Variants in PIP5K1A observed in about 807,000 individuals in gnomAD.
PIP5K1A encodes the protein phosphatidylinositol-4-phosphate 5-kinase type 1 alpha, also known as phosphatidylinositol 4-phosphate 5-kinase type-1 alpha.
In PIP5K1A, 46 loss-of-function variants were observed where a neutral mutation model predicts 72.9. The observed-to-expected ratio is 0.63, with a 90% CI of 0.50 to 0.81. The LOEUF (loss-of-function observed/expected upper bound fraction) is 0.81. Among genes scored for constraint, PIP5K1A ranks in the 30% least tolerant of loss-of-function variants. The probability of loss-of-function intolerance (pLI) is 0.00; values close to 1 mark genes in which losing one functional copy is unlikely to be tolerated. For synonymous variants in PIP5K1A, 228 were observed against 255.1 expected, an observed-to-expected ratio of 0.89 and a Z score of 1.01; for missense variants, 458 against 706.1, an observed-to-expected ratio of 0.65 and a Z score of 3.98.
chr1:151,242,196 C>T lies in PIP5K1A; in HGVS notation c.1437C>T (p.Ser479=), dbSNP rs773333955. 83 of 1,614,000 alleles carry T rather than the reference C, an allele frequency of 5.1e-5. 1 individual carries two copies. The East Asian group carries it at 1.8e-3, about 36-fold the overall frequency. The change falls in exon 13 of 16, where the codon TCC becomes TCT. Residue 479 remains serine (S), a synonymous_variant. Coordinates refer to ENST00000368888, the MANE Select transcript of PIP5K1A (RefSeq NM_001135638.2). ...FSRRAGSSGN[S]CITYQPSVSG... is the part of the protein sequence containing the mutation. ...GGCGAGCAGGCTCCAGTGGCAACTC[C>T]TGCATTACTTACCAGCCATCGGTCT... is the stretch of plus-strand genomic sequence containing the variant.
intron 1 of PIP5K1A, among the ~76,000 whole-genome samples, chr1:151,216,753 T>G (rs1687688455): frequency 6.6e-6 from 1 of 152,216 alleles, no homozygotes; most frequent in Non-Finnish European, 1.5e-5. Flanking sequence ...GAGCATTTAT[T>G]ATAGATTAAG....
chr1:151,232,399 A>G (rs748043703), intron 6 of PIP5K1A, 34 bp downstream of exon 6: 11 of 1,522,600 alleles, frequency 7.2e-6, no homozygotes, highest in Non-Finnish European at 1.0e-5. Flanking sequence ...CTGTGACTCC[A>G]GTATCAGAGG....
At chr1:151,196,630 C>T (rs911885986), upstream of PIP5K1A, among the ~76,000 whole-genome samples, 1 of 147,722 alleles carries the variant, frequency 6.8e-6, no homozygotes, top group Non-Finnish European at 1.5e-5. Context: ...TCTCGGCTCA[C>T]CGAAACGTCT....
intron 1 of PIP5K1A, among the ~76,000 whole-genome samples, chr1:151,219,532 TAAAA>T (rs949698377): frequency 7.5e-6 from 1 of 133,902 alleles, no homozygotes; most frequent in African/African-American, 2.8e-5. Context: ...ACAAAAAATT[TAAAA>T]AAAAAAAATT....
Position 151,241,685 on chromosome 1 carries a change from A to G in PIP5K1A, c.1364-438A>G, listed in dbSNP as rs954052461. ...TGTAGTGGCGCATGCCTGTAATCCT[A>G]GCTACCCAGGAGGCTGAGGCATGGG... On this transcript the variant is annotated intron_variant, in intron 12 of 15. Coordinates refer to ENST00000368888, the MANE Select transcript of PIP5K1A (RefSeq NM_001135638.2). 2.0e-4 allele frequency among the ~76,000 whole-genome samples: 31 copies of G among 152,044 alleles called. No homozygotes were observed. In the South Asian group the frequency reaches 5.4e-3, roughly 26 times the overall value.
intron 8 of PIP5K1A, among the ~76,000 whole-genome samples, 185 bp downstream of exon 8, chr1:151,234,681 C>G (rs1690604280): frequency 6.6e-6 from 1 of 152,202 alleles, no homozygotes; most frequent in South Asian, 2.1e-4. Context: ...CGTTTATCCT[C>G]CCACAATGGG....
At chr1:151,215,109 T>C (rs376925001) in intron 1 of PIP5K1A, among the ~76,000 whole-genome samples, 17 of 150,630 alleles carry the variant, frequency 1.1e-4, no homozygotes, top group African/African-American at 2.9e-4. Context: ...CAGCTCACTG[T>C]ATCCTCCGCC....
chr1:151,226,245 C>T (rs1689108290), intron 3 of PIP5K1A, among the ~76,000 whole-genome samples: 2 of 151,846 alleles, frequency 1.3e-5, no homozygotes. Flanking sequence ...TACTACCACG[C>T]CTGGGTAATT....
intron 4 of PIP5K1A, among the ~76,000 whole-genome samples, chr1:151,227,656 C>G (rs1315557920): frequency 6.6e-6 from 1 of 152,108 alleles, no homozygotes; most frequent in Non-Finnish European, 1.5e-5. Context: ...TTTGGGAAGC[C>G]GAGGCAGGCA....
chr1:151,237,258 TGAAAA>T (rs1409767642), intron 9 of PIP5K1A, among the ~76,000 whole-genome samples: 1 of 152,198 alleles, frequency 6.6e-6, no homozygotes, highest in African/African-American at 2.4e-5. Flanking sequence ...TAATACAAAA[TGAAAA>T]GAAGATTAAT....
upstream of PIP5K1A, among the ~76,000 whole-genome samples, chr1:151,197,444 T>G (rs891097462): frequency 6.6e-6 from 1 of 151,564 alleles, no homozygotes; most frequent in African/African-American, 2.4e-5. Context: ...CACGCCCGGC[T>G]AATTTTTTGT....
At chr1:151,208,302 T>A (rs587610037) in intron 1 of PIP5K1A, among the ~76,000 whole-genome samples, 1 of 152,216 alleles carries the variant, frequency 6.6e-6, no homozygotes, top group South Asian at 2.1e-4. Flanking sequence ...TAGGAAAAAT[T>A]TACACCAGCT....
At chr1:151,198,092 C>A, upstream of PIP5K1A, 1 of 470,960 alleles carries the variant, frequency 2.1e-6, no homozygotes, top group Non-Finnish European at 4.4e-6. Context: ...AAACACAGAT[C>A]TATTTCGAAT....
chr1:151,228,027 T>C (rs893659344), intron 4 of PIP5K1A, among the ~76,000 whole-genome samples: 2 of 152,204 alleles, frequency 1.3e-5, no homozygotes, highest in African/African-American at 4.8e-5. Flanking sequence ...GAACCATGTC[T>C]CTCGCAGTCT....
intron 5 of PIP5K1A, 143 bp downstream of exon 5, chr1:151,231,944 G>A: frequency 1.3e-6 from 1 of 763,922 alleles, no homozygotes; most frequent in South Asian, 1.6e-5. Context: ...TGTGGGACTA[G>A]AGAGTTCGGA....
intron 1 of PIP5K1A, among the ~76,000 whole-genome samples, chr1:151,219,851 C>CTTTTTTT (rs71237867): frequency 1.2e-4 from 12 of 98,700 alleles, no homozygotes; most frequent in Non-Finnish European, 1.9e-4. Context: ...ATATTCTTTC[C>CTTTTTTT]TTTTTTTTTT....
At chr1:151,235,005 A>G (rs1350801759) in intron 8 of PIP5K1A, among the ~76,000 whole-genome samples, 1 of 152,260 alleles carries the variant, frequency 6.6e-6, no homozygotes, top group Admixed American at 6.5e-5. Context: ...TTTCTCAACA[A>G]GCTACCTTAA....
At chr1:151,210,873 C>A (rs1490407875) in intron 1 of PIP5K1A, among the ~76,000 whole-genome samples, 5 of 152,162 alleles carry the variant, frequency 3.3e-5, no homozygotes, top group African/African-American at 1.2e-4. Context: ...AGTCATGAGC[C>A]ATTGTGCCCG....
At chr1:151,221,811 C>T (rs587694256) in intron 1 of PIP5K1A, among the ~76,000 whole-genome samples, 2 of 152,360 alleles carry the variant, frequency 1.3e-5, no homozygotes, top group South Asian at 4.1e-4. Flanking sequence ...GTGGTGCAGT[C>T]TGATAGTCCC....
Sources: allele counts gnomAD v4.1 joint callset (sites outside exome capture counted in the v4.1 genomes callset), GRCh38; gene constraint gnomAD v4.1.1; transcripts MANE v1.5; gene names NCBI Gene and HGNC (gene_info 2026-07-23, HGNC 2026-07-21).